Variants in NTM observed in about 807,000 individuals in gnomAD.
NTM encodes the protein neurotrimin, also known as IgLON family member 2.
A neutral mutation model predicts 42.1 loss-of-function variants in NTM; 13 were observed. That is an observed-to-expected ratio of 0.31 (90% CI 0.20 to 0.49). The LOEUF is 0.49. NTM is among the 20% of genes least tolerant of loss of function. NTM has a pLI of 0.99. For missense variants in NTM, 373 were observed against 452.8 expected (o/e 0.82, Z 1.60); for synonymous variants, 187 against 179.2 (o/e 1.04, Z -0.35).
In NTM at chr11:131,746,724, A is replaced by AT. The variant is rs889210456; in HGVS notation, c.83-164831dup. Among the ~76,000 whole-genome samples, 18 of 151,250 alleles carry AT rather than the reference A, an allele frequency of 1.2e-4. No individual in the cohort carries two copies. The South Asian group carries it at 1.3e-3, about 11-fold the overall frequency. Reference sequence around the variant, plus strand: ...GTTTTATAAATGATGGGACATTGCTATTTTTTTTTCCTGCTTCATATGCTT... The same window carrying AT: ...GTTTTATAAATGATGGGACATTGCTATTTTTTTTTTCCTGCTTCATATGCTT... On this transcript the variant is annotated intron_variant, in intron 1 of 8. Transcript: ENST00000683400.
intron 2 of NTM, among the ~76,000 whole-genome samples, chr11:132,118,824 G>A (rs769039229): frequency 6.6e-6 from 1 of 152,178 alleles, no homozygotes; most frequent in Admixed American, 6.5e-5. Context: ...TTCAAATGAA[G>A]TAAGTGAGGA....
chr11:132,006,289 T>C (rs1166529023), intron 2 of NTM, among the ~76,000 whole-genome samples: 3 of 152,168 alleles, frequency 2.0e-5, no homozygotes, highest in Non-Finnish European at 4.4e-5. Flanking sequence ...GGGATGGCCA[T>C]TGATTTAACA....
chr11:131,979,015 G>A (rs999596540), intron 2 of NTM, among the ~76,000 whole-genome samples: 1 of 152,088 alleles, frequency 6.6e-6, no homozygotes. Context: ...CAGAGCCTCC[G>A]AGAGCATGTA....
At chr11:131,470,543 G>C (rs1952339309) in intron 1 of NTM, among the ~76,000 whole-genome samples, 1 of 152,162 alleles carries the variant, frequency 6.6e-6, no homozygotes, top group Non-Finnish European at 1.5e-5. Flanking sequence ...TGGTTCTCTG[G>C]GAGAGGAAAG....
intron 1 of NTM, among the ~76,000 whole-genome samples, chr11:131,780,600 A>G (rs2087900948): frequency 6.6e-6 from 1 of 152,142 alleles, no homozygotes; most frequent in Non-Finnish European, 1.5e-5. Flanking sequence ...CAAGCTATTA[A>G]TTTCTATTCA....
intron 1 of NTM, among the ~76,000 whole-genome samples, chr11:131,549,757 C>T (rs1006035225): frequency 5.3e-5 from 8 of 152,006 alleles, no homozygotes; most frequent in African/African-American, 1.7e-4. Context: ...TTACATGCAG[C>T]CTTTAAAAGA....
At chr11:132,068,544 T>C (rs918833567) in intron 2 of NTM, among the ~76,000 whole-genome samples, 1 of 152,250 alleles carries the variant, frequency 6.6e-6, no homozygotes, top group Non-Finnish European at 1.5e-5. Context: ...TTTTCTATCA[T>C]GCACTTACAA....
At chr11:131,578,590 T>A (rs1349043645) in intron 1 of NTM, among the ~76,000 whole-genome samples, 8 of 152,192 alleles carry the variant, frequency 5.3e-5, no homozygotes, top group African/African-American at 1.9e-4. Flanking sequence ...GGCCAGAGAG[T>A]ATGGCTTTTA....
intron 1 of NTM, among the ~76,000 whole-genome samples, chr11:131,669,280 G>A (rs2069673164): frequency 6.6e-6 from 1 of 152,148 alleles, no homozygotes; most frequent in Admixed American, 6.5e-5. Flanking sequence ...GGAAATAGAG[G>A]TTAAGAGGTC....
chr11:132,108,724 C>CT (rs1283979009), intron 2 of NTM, among the ~76,000 whole-genome samples: 2 of 152,040 alleles, frequency 1.3e-5, no homozygotes, highest in East Asian at 3.8e-4. Flanking sequence ...TATTATTATA[C>CT]TTTAAGTTCT....
chr11:132,081,709 G>A (rs1187383478), intron 2 of NTM, among the ~76,000 whole-genome samples: 6 of 149,716 alleles, frequency 4.0e-5, no homozygotes, highest in Non-Finnish European at 5.9e-5. Context: ...GGGCGATAGA[G>A]CGAGACTCCA....
At chr11:131,737,212 A>G (rs1193308087) in intron 1 of NTM, among the ~76,000 whole-genome samples, 1 of 152,182 alleles carries the variant, frequency 6.6e-6, no homozygotes, top group Non-Finnish European at 1.5e-5. Context: ...TTGTGAGGTG[A>G]GCTCCAACCA....
At chr11:131,786,510 T>C (rs1382257995) in intron 1 of NTM, among the ~76,000 whole-genome samples, 1 of 152,222 alleles carries the variant, frequency 6.6e-6, no homozygotes, top group Non-Finnish European at 1.5e-5. Flanking sequence ...TTAATTCAGC[T>C]TTATTTAATG....
intron 1 of NTM, among the ~76,000 whole-genome samples, chr11:131,670,736 G>A (rs1487169660): frequency 6.6e-6 from 1 of 152,208 alleles, no homozygotes; most frequent in Non-Finnish European, 1.5e-5. Flanking sequence ...GGGTCAGGGA[G>A]GTTCATTTCT....
In NTM at chr11:131,874,039, A is replaced by AATAT. The variant is rs1486718049; in HGVS notation, c.83-37525_83-37524insATAT. On this transcript the variant is annotated intron_variant, in intron 1 of 8. Coordinates refer to ENST00000683400, the MANE Select transcript of NTM (RefSeq NM_001352005.2). ...TTATATAATATAATATAATATATATATATATATATATATATATATATATAT... is the reference window on the plus strand; with the variant it reads ...TTATATAATATAATATAATATATATAATATTATATATATATATATATATATATAT... Among the ~76,000 whole-genome samples the AATAT allele has an allele frequency of 1.7e-3, 54 of 31,930 alleles. 3 individuals carry two copies. The highest frequency in any genetic ancestry group is 2.2e-3 in the African/African-American group (6 of 2,738). 20.9% of individuals were successfully genotyped at this position (31,930 alleles called of 152,430 possible).
chr11:131,952,975 A>T (rs2061180248), intron 2 of NTM, among the ~76,000 whole-genome samples: 1 of 152,206 alleles, frequency 6.6e-6, no homozygotes, highest in South Asian at 2.1e-4. Flanking sequence ...ATAGACTTAA[A>T]GTCTCTGATA....
chr11:132,031,911 A>G (rs948039), intron 2 of NTM, among the ~76,000 whole-genome samples: 56,648 of 151,956 alleles, frequency 0.37, 11,887 homozygotes, highest in East Asian at 0.82. Flanking sequence ...GACATGCTCA[A>G]AGGCCCTCCC....
intron 1 of NTM, among the ~76,000 whole-genome samples, chr11:131,664,305 A>G (rs1406313096): frequency 6.6e-6 from 1 of 152,236 alleles, no homozygotes; most frequent in Non-Finnish European, 1.5e-5. Context: ...AAGTACCTAT[A>G]AAAGGATGCT....
At chr11:131,995,833 G>A (rs1259949472) in intron 2 of NTM, among the ~76,000 whole-genome samples, 3 of 152,006 alleles carry the variant, frequency 2.0e-5, no homozygotes, top group Non-Finnish European at 4.4e-5. Flanking sequence ...TTCTACAGTG[G>A]AAAATGAATG....
Sources: allele counts gnomAD v4.1 joint callset (sites outside exome capture counted in the v4.1 genomes callset), GRCh38; gene constraint gnomAD v4.1.1; transcripts MANE v1.5; gene names NCBI Gene and HGNC (gene_info 2026-07-23, HGNC 2026-07-21).